SHROOM4: variants seen among roughly 807,000 people sequenced by gnomAD.
SHROOM4 encodes protein Shroom4.
Under a neutral mutation model 80.3 loss-of-function variants are expected in SHROOM4, and 17 were observed. That is an observed-to-expected ratio of 0.21 (90% confidence interval 0.14 to 0.32). SHROOM4 has a LOEUF of 0.32. SHROOM4 is among the 10% of genes least tolerant of loss of function. The pLI, the probability that SHROOM4 is intolerant of heterozygous loss-of-function variation, is 1.00. For synonymous variants in SHROOM4, 400 were observed against 437.5 expected (o/e 0.91, Z 1.07); for missense variants, 993 against 1,140.3 (o/e 0.87, Z 1.86).
In SHROOM4 at chrX:50,638,326, C is replaced by T. The variant is rs1557256558; in HGVS notation, c.270-18G>A. The T allele has an allele frequency of 5.0e-6, 6 of 1,209,937 alleles. No individual in the cohort carries two copies. In the East Asian group the frequency reaches 8.9e-5, roughly 18 times the overall value. On this transcript the variant is annotated intron_variant, in intron 2 of 8. Transcript: ENST00000376020. Reference sequence around the variant, plus strand: ...CGTTCCTCCTACAGCAAGAAAGGGACAGGAAGTGGGCTGAAGGAACCAGAG... The same window carrying T: ...CGTTCCTCCTACAGCAAGAAAGGGATAGGAAGTGGGCTGAAGGAACCAGAG...
intron 1 of SHROOM4, among the ~76,000 whole-genome samples, chrX:50,732,435 C>T (rs1934393715): frequency 9.0e-6 from 1 of 111,362 alleles, no homozygotes; most frequent in Non-Finnish European, 1.9e-5. Context: ...TAATAAAAAT[C>T]AGAACAGAAA....
intron 5 of SHROOM4, among the ~76,000 whole-genome samples, chrX:50,618,688 G>C (rs1007974682): frequency 3.6e-5 from 4 of 111,471 alleles, no homozygotes; most frequent in African/African-American, 9.8e-5. Flanking sequence ...GCACCCAGTC[G>C]ACTACTCTGG....
chrX:50,752,775 C>A (rs1385234727), intron 1 of SHROOM4, among the ~76,000 whole-genome samples: 2 of 111,955 alleles, frequency 1.8e-5, no homozygotes. Context: ...CAGCTCAGTG[C>A]CTACAGGCCC....
intron 2 of SHROOM4, among the ~76,000 whole-genome samples, chrX:50,650,743 C>T (rs1280646022): frequency 8.0e-5 from 9 of 112,311 alleles, no homozygotes; most frequent in Admixed American, 7.5e-4. Flanking sequence ...AACTGTCTGA[C>T]ATATTCTTAA....
intron 2 of SHROOM4, among the ~76,000 whole-genome samples, chrX:50,681,975 T>A (rs1367969159): frequency 8.9e-6 from 1 of 111,911 alleles, no homozygotes; most frequent in East Asian, 2.8e-4. Context: ...TCAATTACTA[T>A]CGACCCAAAT....
At chrX:50,801,282 G>GAGAGAGAGAGAGAGAGAGAGAGAT (rs1487666030) in intron 1 of SHROOM4, among the ~76,000 whole-genome samples, 7 of 107,026 alleles carry the variant, frequency 6.5e-5, no homozygotes, top group African/African-American at 2.4e-4. Context: ...GAGAGAGAGA[G>GAGAGAGAGAGAGAGAGAGAGAGAT]AGAGAGAGAA....
chrX:50,633,683 T>A lies in SHROOM4; in HGVS notation c.2390A>T (p.Asn797Ile). The stretch of plus-strand genomic sequence containing the variant: ...TTTTGGTCTCTGGGTAAAAGTCTTG[T>A]TGCTATGAGTGGTTAAACCTGGCAA... ...SHLPGLTTHS[N>I]KTFTQRPKPI... Residue 797 changes from asparagine (N) to isoleucine (I), a missense_variant, in exon 4 of 9, where the codon AAC becomes ATC. By Grantham distance (149) the Asn-to-Ile change is moderately radical. Coordinates refer to ENST00000376020, the MANE Select transcript of SHROOM4 (RefSeq NM_020717.5). 8.3e-7 allele frequency: 1 copy of A among 1,211,961 alleles called. No homozygotes were observed. Among genetic ancestry groups the A allele is most frequent in the South Asian group, 1.8e-5 (1 of 56,997 alleles).
At chrX:50,751,908 T>A (rs899631545) in intron 1 of SHROOM4, among the ~76,000 whole-genome samples, 1 of 111,708 alleles carries the variant, frequency 9.0e-6, no homozygotes, top group Admixed American at 9.5e-5. Flanking sequence ...AGTCCCCTCA[T>A]CTATAAAGTG....
chrX:50,756,341 G>A lies in SHROOM4; in HGVS notation c.117+57561C>T, dbSNP rs889073015. Among the ~76,000 whole-genome samples the A allele has an allele frequency of 2.3e-4, 26 of 111,854 alleles. No individual in the cohort carries two copies. The South Asian group carries it at 7.4e-3, about 32-fold the overall frequency. ...TACTGCTTCATTTCTTTTCACTGCC[G>A]AACAATATTCTATTGTATGATTATA... On this transcript the variant is annotated intron_variant, in intron 1 of 8. Transcript: ENST00000376020.
At chrX:50,727,430 T>A (rs1934266538) in intron 1 of SHROOM4, among the ~76,000 whole-genome samples, 1 of 111,816 alleles carries the variant, frequency 8.9e-6, no homozygotes, top group African/African-American at 3.3e-5. Flanking sequence ...GGCAGAATGA[T>A]ATGGTTTGGC....
intron 1 of SHROOM4, among the ~76,000 whole-genome samples, chrX:50,723,112 T>G (rs1451876930): frequency 1.9e-5 from 2 of 104,331 alleles, no homozygotes; most frequent in Non-Finnish European, 3.9e-5. Context: ...ATGCTACTTA[T>G]TGACATATGT....
At chrX:50,633,126 C>G in intron 4 of SHROOM4, 52 bp downstream of exon 4, 2 of 1,050,122 alleles carry the variant, frequency 1.9e-6, no homozygotes, top group Non-Finnish European at 2.6e-6. Flanking sequence ...ACGTAGCTTT[C>G]CCCTCTCAAA....
At chrX:50,682,554 T>C (rs1932965641) in intron 2 of SHROOM4, among the ~76,000 whole-genome samples, 1 of 111,550 alleles carries the variant, frequency 9.0e-6, no homozygotes, top group African/African-American at 3.3e-5. Flanking sequence ...AAACAGGCTG[T>C]TACGATTCTA....
intron 1 of SHROOM4, among the ~76,000 whole-genome samples, chrX:50,754,195 G>A (rs1385345518): frequency 1.8e-5 from 2 of 111,812 alleles, no homozygotes; most frequent in African/African-American, 6.5e-5. Flanking sequence ...AGAAGCCTCA[G>A]TGTTGGTTCC....
chrX:50,661,987 C>T (rs1557260010), intron 2 of SHROOM4, among the ~76,000 whole-genome samples: 1 of 110,347 alleles, frequency 9.1e-6, no homozygotes, highest in East Asian at 2.8e-4. Flanking sequence ...AATTCAGTCC[C>T]CACACCCGCA....
chrX:50,805,706 G>A (rs1602529574), intron 1 of SHROOM4, among the ~76,000 whole-genome samples: 2 of 111,749 alleles, frequency 1.8e-5, no homozygotes, highest in South Asian at 7.6e-4. Context: ...GCAAGAACTT[G>A]TCCCATGGAG....
chrX:50,767,940 A>G (rs1359128754), intron 1 of SHROOM4, among the ~76,000 whole-genome samples: 3 of 112,179 alleles, frequency 2.7e-5, no homozygotes, highest in African/African-American at 9.7e-5. Flanking sequence ...GAGTCATGGT[A>G]ATATGCCTAC....
intron 1 of SHROOM4, among the ~76,000 whole-genome samples, chrX:50,772,040 A>G (rs1418461459): frequency 1.8e-5 from 2 of 108,714 alleles, no homozygotes; most frequent in African/African-American, 6.9e-5. Flanking sequence ...GTGTGTGTGT[A>G]TAAACATGGA....
In SHROOM4 at chrX:50,635,648, C is replaced by T. The variant is rs782099388; in HGVS notation, c.425G>A (p.Cys142Tyr). 34 of 1,205,826 alleles carry T rather than the reference C, an allele frequency of 2.8e-5. No homozygotes were observed. The East Asian group carries it at 4.5e-4, about 16-fold the overall frequency. ...GGTGCTGCAATGCCGGGAGAGTGGA[C>T]ACCACTGCACACACACGTCACTGTA... ...CNTSDVCVQW[C>Y]PLSRHCSTEK... is the part of the protein sequence containing the mutation. Residue 142 changes from cysteine to tyrosine, a missense_variant, in exon 4 of 9, where the codon TGT becomes TAT. By Grantham distance (194) the Cys-to-Tyr change is radical. Transcript: ENST00000376020.
Sources: allele counts gnomAD v4.1 joint callset (sites outside exome capture counted in the v4.1 genomes callset), GRCh38; gene constraint gnomAD v4.1.1; transcripts MANE v1.5; gene names NCBI Gene and HGNC (gene_info 2026-07-23, HGNC 2026-07-21).